The following MAD1L1 variants were observed in gnomAD, a reference collection of about 807,000 sequenced individuals.
MAD1L1 encodes the protein mitotic arrest deficient 1 like 1, also known as mitotic spindle assembly checkpoint protein MAD1.
In MAD1L1, 95 loss-of-function variants were observed where a neutral mutation model predicts 96.9. That is an observed-to-expected ratio of 0.98 (90% CI 0.83 to 1.16). MAD1L1 has a LOEUF of 1.16. Among genes scored for constraint, MAD1L1 ranks in the 50% most tolerant of loss-of-function variants. The probability of loss-of-function intolerance (pLI) is 0.00; values close to 1 mark genes in which losing one functional copy is unlikely to be tolerated. For synonymous variants in MAD1L1, 473 were observed against 396.6 expected (o/e 1.19, Z -2.29); for missense variants, 1,007 against 954.4 (o/e 1.06, Z -0.73).
intron 18 of MAD1L1, among the ~76,000 whole-genome samples, chr7:1,880,342 T>C (rs756601045): frequency 4.6e-5 from 7 of 152,292 alleles, no homozygotes; most frequent in Admixed American, 2.6e-4. Flanking sequence ...ATGATGTCTC[T>C]GCAGGGCCCC....
intron 11 of MAD1L1, among the ~76,000 whole-genome samples, chr7:2,121,906 G>C (rs1030476359): frequency 3.9e-5 from 6 of 152,210 alleles, no homozygotes; most frequent in African/African-American, 1.4e-4. Context: ...CAGATGTGGG[G>C]ACACGTGGAC....
At chr7:2,099,995 C>T (rs540234987) in intron 11 of MAD1L1, among the ~76,000 whole-genome samples, 209 of 152,356 alleles carry the variant, frequency 1.4e-3, no homozygotes, top group African/African-American at 4.8e-3. Context: ...CTGTGAGCTC[C>T]TTACAGGTAG....
intron 18 of MAD1L1, among the ~76,000 whole-genome samples, chr7:1,886,459 G>A (rs1278557568): frequency 6.6e-6 from 1 of 152,254 alleles, no homozygotes; most frequent in African/African-American, 2.4e-5. Context: ...CAGCTAGACA[G>A]CAGGTCCTCG....
Position 1,890,138 on chromosome 7 carries a change from G to A in MAD1L1, c.1998+8062C>T, listed in dbSNP as rs143900244. Among the ~76,000 whole-genome samples the A allele has an allele frequency of 6.1e-3, 936 of 152,326 alleles. 11 individuals are homozygous for A. The highest frequency in any genetic ancestry group is 0.022 in the African/African-American group (895 of 41,568). ...CACTCCTGGACCACACGCTCTGTCT[G>A]GTGTGGGTATGGTGGGCTCGGATCC... is the stretch of plus-strand genomic sequence containing the variant. On this transcript the variant is annotated intron_variant, in intron 18 of 18. Transcript: ENST00000265854.
intron 10 of MAD1L1, among the ~76,000 whole-genome samples, chr7:2,161,487 T>C (rs1562742190): frequency 6.6e-6 from 1 of 152,036 alleles, no homozygotes; most frequent in Non-Finnish European, 1.5e-5. Flanking sequence ...TGACTTGGCC[T>C]CCCAAAGTGC....
intron 10 of MAD1L1, among the ~76,000 whole-genome samples, chr7:2,167,525 G>A (rs994444750): frequency 6.7e-6 from 1 of 149,694 alleles, no homozygotes; most frequent in African/African-American, 2.5e-5. Flanking sequence ...CTCCAGCCTG[G>A]GCAACAGAGC....
At chr7:1,818,866 T>C (rs1304515895) in intron 18 of MAD1L1, among the ~76,000 whole-genome samples, 1 of 139,708 alleles carries the variant, frequency 7.2e-6, no homozygotes, top group South Asian at 2.4e-4. Context: ...CAGGTGGGGG[T>C]GGGGGTGGAC....
At chr7:1,942,698 C>T (rs1238578127) in intron 16 of MAD1L1, among the ~76,000 whole-genome samples, 4 of 152,146 alleles carry the variant, frequency 2.6e-5, no homozygotes, top group African/African-American at 7.2e-5. Context: ...CCGGCGCTGT[C>T]GGGACCAGAG....
intron 10 of MAD1L1, among the ~76,000 whole-genome samples, chr7:2,207,811 G>T (rs561638585): frequency 2.6e-5 from 4 of 152,320 alleles, no homozygotes; most frequent in South Asian, 4.1e-4. Context: ...AGGAAGAGAA[G>T]AAAACCGTAA....
At chr7:2,098,339 C>A (rs1246986703) in intron 11 of MAD1L1, among the ~76,000 whole-genome samples, 1 of 152,234 alleles carries the variant, frequency 6.6e-6, no homozygotes, top group Non-Finnish European at 1.5e-5. Context: ...GCAGCACACG[C>A]CACGGGGACC....
At chr7:1,989,808 T>C (rs540937566) in intron 14 of MAD1L1, among the ~76,000 whole-genome samples, 24 of 152,302 alleles carry the variant, frequency 1.6e-4, no homozygotes, top group African/African-American at 5.8e-4. Context: ...GGCCCCATGT[T>C]CCTCTGCCTA....
intron 17 of MAD1L1, among the ~76,000 whole-genome samples, chr7:1,915,656 C>T (rs935814501): frequency 6.6e-4 from 100 of 152,176 alleles, no homozygotes; most frequent in African/African-American, 2.2e-3. Context: ...ACAGCCAGGA[C>T]GAAATGTTCA....
chr7:2,002,973 CT>C (rs1327430679), intron 13 of MAD1L1, among the ~76,000 whole-genome samples: 7 of 3,306 alleles, frequency 2.1e-3, no homozygotes, highest in African/African-American at 5.7e-3. Flanking sequence ...CCCCCACCAC[CT>C]AAACACATTG....
At chr7:1,920,744 G>A (rs562290612) in intron 17 of MAD1L1, among the ~76,000 whole-genome samples, 3 of 152,326 alleles carry the variant, frequency 2.0e-5, no homozygotes, top group Admixed American at 6.5e-5. Context: ...CAGTCCATGA[G>A]GTGACGGATA....
intron 15 of MAD1L1, among the ~76,000 whole-genome samples, chr7:1,971,195 C>T (rs550717454): frequency 6.6e-6 from 1 of 152,346 alleles, no homozygotes; most frequent in East Asian, 1.9e-4. Context: ...ACAGTGAGCC[C>T]CGCACAAACA....
At chr7:1,999,801 T>C (rs1562595309) in intron 14 of MAD1L1, among the ~76,000 whole-genome samples, 1 of 152,204 alleles carries the variant, frequency 6.6e-6, no homozygotes, top group Non-Finnish European at 1.5e-5. Flanking sequence ...CTCTCATCAA[T>C]GAAACGCCGG....
chr7:2,082,643 T>C (rs2128539844), intron 11 of MAD1L1, among the ~76,000 whole-genome samples: 1 of 152,250 alleles, frequency 6.6e-6, no homozygotes. Flanking sequence ...ACATACCCCG[T>C]TTAACTGAGG....
chr7:1,919,042 C>T (rs746677243), intron 17 of MAD1L1, among the ~76,000 whole-genome samples: 3 of 152,368 alleles, frequency 2.0e-5, no homozygotes, highest in Admixed American at 6.5e-5. Context: ...CGCCGTGATC[C>T]GGCCCCTCCC....
intron 11 of MAD1L1, among the ~76,000 whole-genome samples, chr7:2,130,043 C>A (rs1488157877): frequency 6.6e-6 from 1 of 152,254 alleles, no homozygotes; most frequent in East Asian, 1.9e-4. Flanking sequence ...CAGACAGACT[C>A]CAGCACCAAG....
Sources: allele counts gnomAD v4.1 joint callset (sites outside exome capture counted in the v4.1 genomes callset), GRCh38; gene constraint gnomAD v4.1.1; transcripts MANE v1.5; gene names NCBI Gene and HGNC (gene_info 2026-07-23, HGNC 2026-07-21).